Variants in EXD2 observed in about 807,000 individuals in gnomAD.
EXD2 encodes exonuclease 3'-5' domain containing 2, also known as exonuclease 3'-5' domain-containing protein 2.
In EXD2, 40 loss-of-function variants were observed where a neutral mutation model predicts 62.5. The ratio of observed to expected loss-of-function variants is 0.64; its 90% CI spans 0.50 to 0.83. The LOEUF is 0.83. Among genes scored for constraint, EXD2 ranks in the 40% least tolerant of loss-of-function variants. EXD2 has a pLI of 0.00. For missense variants in EXD2, 671 were observed against 761.8 expected, an observed-to-expected ratio of 0.88 and a Z score of 1.40; for synonymous variants, 239 against 291.9, an observed-to-expected ratio of 0.82 and a Z score of 1.85.
At chr14:69,232,340 C>G (rs2043614980) in intron 5 of EXD2, among the ~76,000 whole-genome samples, 1 of 152,160 alleles carries the variant, frequency 6.6e-6, no homozygotes, top group Admixed American at 6.5e-5. Context: ...TGTCTCCATT[C>G]CTTATGCTTT....
At chr14:69,197,418 A>G (rs560234243) in intron 1 of EXD2, among the ~76,000 whole-genome samples, 1 of 149,842 alleles carries the variant, frequency 6.7e-6, no homozygotes, top group South Asian at 2.1e-4. Context: ...TGGTTGATTC[A>G]TTCTTTTTTT....
intron 7 of EXD2, 22 bp downstream of exon 7, chr14:69,236,174 G>A: frequency 2.5e-6 from 4 of 1,596,948 alleles, no homozygotes; most frequent in Non-Finnish European, 2.6e-6. Context: ...AGCTGTCCTT[G>A]TTTATCTCTA....
rs1566845358 is a variant in EXD2 at position 69,240,891 on chromosome 14, A to G, written c.1657A>G (p.Asn553Asp). ...TTTTTCATGTTTTGGCAGAATCTCC[A>G]ATGAAAACTATGTTCCTCACGGGCT... ...EAASLETRIS[N>D]ENYVPHGLKV... The change falls in exon 10 of 10, where the codon AAT becomes GAT. Residue 553 changes from asparagine to aspartate, a missense_variant. By Grantham distance (23) the Asn-to-Asp change is conservative (BLOSUM62 1). Transcript: ENST00000685843. 9.9e-6 allele frequency: 16 copies of G among 1,611,918 alleles called. No individual in the cohort carries two copies. The highest frequency in any genetic ancestry group is 1.3e-5 in the Non-Finnish European group (15 of 1,178,456).
chr14:69,199,025 C>G (rs1435942927), intron 1 of EXD2, among the ~76,000 whole-genome samples: 5 of 152,234 alleles, frequency 3.3e-5, no homozygotes, highest in Non-Finnish European at 7.3e-5. Context: ...GGGCAGATCA[C>G]CTGAGGTCAG....
At chr14:69,197,368 A>T (rs116492499) in intron 1 of EXD2, among the ~76,000 whole-genome samples, 120 of 147,426 alleles carry the variant, frequency 8.1e-4, no homozygotes, top group African/African-American at 2.9e-3. Context: ...ATTTGTAAAT[A>T]TTTTTTCCCA....
At chr14:69,202,495 C>T (rs529849219) in intron 1 of EXD2, among the ~76,000 whole-genome samples, 5 of 152,308 alleles carry the variant, frequency 3.3e-5, no homozygotes, top group Non-Finnish European at 5.9e-5. Flanking sequence ...TTGTTCATTA[C>T]GTGTATTTTT....
chr14:69,201,773 C>G (rs899638165), intron 1 of EXD2, among the ~76,000 whole-genome samples: 1 of 150,806 alleles, frequency 6.6e-6, no homozygotes, highest in African/African-American at 2.5e-5. Flanking sequence ...AGCTCCGCCT[C>G]CCGGGTTCAA....
Position 69,241,035 on chromosome 14 carries a change from G to C in EXD2, c.1801G>C (p.Val601Leu). Residue 601 changes from valine (V) to leucine (L), a missense_variant, in exon 10 of 10, where the codon GTG becomes CTG. Coordinates refer to ENST00000685843, the MANE Select transcript of EXD2 (RefSeq NM_001193360.2). Reference sequence around the variant, plus strand: ...CAAGCACCTGCCCCAGCAGTGGTCAGTGGACCACAACCATCAGAAGCTGCT... The same window carrying C: ...CAAGCACCTGCCCCAGCAGTGGTCACTGGACCACAACCATCAGAAGCTGCT... Reference protein sequence around the residue: ...QPKHLPQQWSVDHNHQKLLRK... With the variant: ...QPKHLPQQWSLDHNHQKLLRK... 6.2e-7 allele frequency: 1 copy of C among 1,613,014 alleles called. No homozygotes were observed. The highest frequency in any genetic ancestry group is 8.5e-7 in the Non-Finnish European group (1 of 1,180,032).
chr14:69,227,595 C>G (rs1022158329), intron 3 of EXD2, among the ~76,000 whole-genome samples: 43 of 152,260 alleles, frequency 2.8e-4, no homozygotes, highest in African/African-American at 1.0e-3. Flanking sequence ...TGCCTGTAAT[C>G]CCAGCACTCT....
chr14:69,238,701 C>T (rs1401231668), intron 9 of EXD2, among the ~76,000 whole-genome samples: 1 of 150,154 alleles, frequency 6.7e-6, no homozygotes, highest in African/African-American at 2.5e-5. Flanking sequence ...GTGGCACTAT[C>T]TTGGCTCACT....
chr14:69,214,535 A>C (rs1247362045), intron 3 of EXD2, among the ~76,000 whole-genome samples: 1 of 152,152 alleles, frequency 6.6e-6, no homozygotes, highest in African/African-American at 2.4e-5. Context: ...ACACATCAAG[A>C]AAAGTGCCTG....
chr14:69,225,652 A>G (rs1036463703), intron 3 of EXD2, among the ~76,000 whole-genome samples: 2 of 152,208 alleles, frequency 1.3e-5, no homozygotes, highest in African/African-American at 4.8e-5. Context: ...AAATAATGCT[A>G]ATGAAATTAA....
At chr14:69,196,947 C>G (rs2042227107) in intron 1 of EXD2, among the ~76,000 whole-genome samples, 1 of 152,140 alleles carries the variant, frequency 6.6e-6, no homozygotes, top group South Asian at 2.1e-4. Flanking sequence ...TAGAACCATC[C>G]TACTTGGTGT....
At chr14:69,192,294 T>C (rs2042056372) in intron 1 of EXD2, among the ~76,000 whole-genome samples, 1 of 152,242 alleles carries the variant, frequency 6.6e-6, no homozygotes, top group Non-Finnish European at 1.5e-5. Context: ...ATTGAAATTA[T>C]ACTTTATTTT....
At chr14:69,208,309 C>T (rs1211779956) in intron 2 of EXD2, among the ~76,000 whole-genome samples, 2 of 146,934 alleles carry the variant, frequency 1.4e-5, no homozygotes, top group Non-Finnish European at 3.0e-5. Context: ...CTCCCGGGTT[C>T]ATACCATTCT....
intron 3 of EXD2, among the ~76,000 whole-genome samples, chr14:69,225,791 T>C (rs1312987414): frequency 1.3e-5 from 2 of 152,186 alleles, no homozygotes; most frequent in Non-Finnish European, 2.9e-5. Flanking sequence ...AGATATCTTA[T>C]TCTTTAAGCT....
intron 2 of EXD2, among the ~76,000 whole-genome samples, chr14:69,207,088 T>C (rs1413350965): frequency 6.6e-6 from 1 of 152,252 alleles, no homozygotes; most frequent in African/African-American, 2.4e-5. Flanking sequence ...ACAGCATAAC[T>C]ATTACCACTT....
chr14:69,237,760 T>C lies in EXD2; in HGVS notation c.1478T>C (p.Leu493Pro), dbSNP rs780175594. The change falls in exon 9 of 10, where the codon CTG becomes CCG. Residue 493 changes from leucine (L) to proline (P), a missense_variant. Leu to Pro is a moderately conservative substitution (Grantham distance 98). Transcript: ENST00000685843. ...ATCGGCTCTGAGGAGGGCTTGCGCC[T>C]GCTGGAAGATCCTGAGCGCCGGCAG... ...APIGSEEGLR[L>P]LEDPERRQVR... 1 of 1,613,940 alleles carries C rather than the reference T, an allele frequency of 6.2e-7. No individual in the cohort carries two copies. Among genetic ancestry groups the C allele is most frequent in the Non-Finnish European group, 8.5e-7 (1 of 1,179,934 alleles).
At chr14:69,213,527 C>T (rs541706590) in intron 3 of EXD2, among the ~76,000 whole-genome samples, 3 of 114,598 alleles carry the variant, frequency 2.6e-5, no homozygotes, top group South Asian at 6.3e-4. Flanking sequence ...TGTGCCACTG[C>T]ACCTGGATAA....
Sources: gnomAD v4.1 joint callset for allele counts (sites outside exome capture counted in the v4.1 genomes callset) on GRCh38, gnomAD v4.1.1 for gene constraint, MANE v1.5 for transcripts, NCBI Gene and HGNC (gene_info 2026-07-23, HGNC 2026-07-21) for gene names.